AGMAT: variants seen among roughly 807,000 people sequenced by gnomAD.
The protein encoded by AGMAT is guanidino acid hydrolase, mitochondrial.
AGMAT carries 37 observed loss-of-function variants against 29.3 expected under a neutral mutation model. The ratio of observed to expected loss-of-function variants is 1.26; its 90% CI spans 0.97 to 1.66. AGMAT has a LOEUF of 1.66. Among genes scored for constraint, AGMAT ranks in the 40% most tolerant of loss-of-function variants. The pLI, the probability that AGMAT is intolerant of heterozygous loss-of-function variation, is 0.00. For missense variants in AGMAT, 498 were observed against 497.8 expected (o/e 1.00, Z 0.00); for synonymous variants, 199 against 200.8 (o/e 0.99, Z 0.08).
chr1:15,584,889 G>A lies in AGMAT; in HGVS notation c.79C>T (p.His27Tyr), dbSNP rs866387652. Reference sequence around the variant, plus strand: ...TGGCGGCTCTGGCGGCGCCCCGGATGAAAGAGCCCTGCGGCAGGACGCGCG... The same window carrying A: ...TGGCGGCTCTGGCGGCGCCCCGGATAAAAGAGCCCTGCGGCAGGACGCGCG... ...VGARPAAGLF[H>Y]PGRRQSRQAS... The change falls in exon 1 of 7, where the codon CAT becomes TAT. Residue 27 changes from histidine (H) to tyrosine (Y), a missense_variant. By Grantham distance (83) the His-to-Tyr change is moderately conservative. Coordinates refer to ENST00000375826, the MANE Select transcript of AGMAT (RefSeq NM_024758.5). 7.1e-7 allele frequency: 1 copy of A among 1,404,164 alleles called. No individual in the cohort carries two copies. Among genetic ancestry groups the A allele is most frequent in the Non-Finnish European group, 9.2e-7 (1 of 1,086,310 alleles). 87.0% of individuals were successfully genotyped at this position (1,404,164 alleles called of 1,614,324 possible).
At position 15,572,761 on chromosome 1, in the gene AGMAT, C is replaced by G. The variant is rs6700212; in HGVS notation, c.*890G>C. The G allele has an allele frequency of 0.049, 7,359 of 151,676 alleles. 323 individuals are homozygous for G. The highest frequency in any genetic ancestry group is 0.12 in the African/African-American group (4,772 of 41,278). The allele number at this position is 151,676 out of a possible 1,614,324, so 9.4% of individuals were successfully genotyped here. ...CGTGTTACTTTATACTTTTTACTTACGTTCACAGTGGTCCTAAAACCAAGA... is the reference window on the plus strand; with the variant it reads ...CGTGTTACTTTATACTTTTTACTTAGGTTCACAGTGGTCCTAAAACCAAGA... On this transcript the variant is annotated 3_prime_UTR_variant, in exon 7 of 7. Coordinates refer to ENST00000375826, the MANE Select transcript of AGMAT (RefSeq NM_024758.5).
intron 4 of AGMAT, among the ~76,000 whole-genome samples, chr1:15,578,427 T>C (rs1260180411): frequency 1.3e-5 from 2 of 152,038 alleles, no homozygotes; most frequent in African/African-American, 4.8e-5. Flanking sequence ...CCCGAGTAGC[T>C]GGGATTACAG....
intron 1 of AGMAT, among the ~76,000 whole-genome samples, chr1:15,583,800 C>T (rs1402589683): frequency 6.6e-6 from 1 of 152,200 alleles, no homozygotes; most frequent in Non-Finnish European, 1.5e-5. Context: ...CTATGCAAAG[C>T]ACCTTGCACT....
At chr1:15,575,729 T>TTTTATTTATTTA (rs78080274) in intron 5 of AGMAT, 70 of 142,796 alleles carry the variant, frequency 4.9e-4, no homozygotes, top group Middle Eastern at 3.5e-3. Context: ...TCACATGCAC[T>TTTTATTTATTTA]TTTATTTATT....
intron 4 of AGMAT, 84 bp downstream of exon 4, chr1:15,578,775 C>A: frequency 6.9e-7 from 1 of 1,454,096 alleles, no homozygotes; most frequent in East Asian, 2.4e-5. Context: ...GTAAAGCCCC[C>A]GCTCAATCCC....
rs777168278 is a variant in AGMAT, at chr1:15,583,196, A to G, written c.472T>C (p.Leu158=). The G allele has an allele frequency of 6.2e-7, 1 of 1,613,950 alleles. No individual in the cohort carries two copies. The highest frequency in any genetic ancestry group is 1.3e-5 in the African/African-American group (1 of 75,038). ...GGCTCTTGCAGACTGACATTACCCA[A>G]GGTCAGAGGAATACAGCCAGCTGCT... ...IVAAGCIPLT[L]GGDHTITYPI... The change falls in exon 2 of 7, where the codon TTG becomes CTG. Residue 158 remains leucine, a synonymous_variant. Coordinates refer to ENST00000375826, the MANE Select transcript of AGMAT (RefSeq NM_024758.5).
chr1:15,580,988 A>AAAAT (rs1382303361), intron 2 of AGMAT, among the ~76,000 whole-genome samples: 2 of 151,958 alleles, frequency 1.3e-5, no homozygotes, highest in Non-Finnish European at 2.9e-5. Flanking sequence ...AAAATAAAAT[A>AAAAT]AAATAAATAA....
At chr1:15,574,294 G>A (rs1034138598) in intron 6 of AGMAT, among the ~76,000 whole-genome samples, 3 of 151,736 alleles carry the variant, frequency 2.0e-5, no homozygotes, top group Non-Finnish European at 4.4e-5. Flanking sequence ...ATGAGCTCAT[G>A]TTTGTAAGGT....
intron 2 of AGMAT, among the ~76,000 whole-genome samples, chr1:15,581,275 G>C (rs1308817888): frequency 4.6e-5 from 7 of 152,002 alleles, no homozygotes; most frequent in Non-Finnish European, 1.0e-4. Context: ...CTGAGCCCAG[G>C]GAGGGCAAGG....
At position 15,577,732 on chromosome 1, in the gene AGMAT, C is replaced by T; in HGVS notation, c.853G>A (p.Ala285Thr). 6.2e-7 allele frequency: 1 copy of T among 1,614,176 alleles called. No homozygotes were observed. The highest frequency in any genetic ancestry group is 8.5e-7 in the Non-Finnish European group (1 of 1,180,012). The change falls in exon 5 of 7, where the codon GCG becomes ACG. Residue 285 changes from alanine to threonine, a missense_variant. By Grantham distance (58) the Ala-to-Thr change is moderately conservative (BLOSUM62 0). Transcript: ENST00000375826. ...FDIDALDPAYAPGTGTPEIAG... is the reference protein window; with the variant it reads ...FDIDALDPAYTPGTGTPEIAG... Reference sequence around the variant, plus strand: ...ATTTCAGGTGTCCCTGTCCCTGGCGCATAGGCAGGATCCAGAGCGTCAATA... The same window carrying T: ...ATTTCAGGTGTCCCTGTCCCTGGCGTATAGGCAGGATCCAGAGCGTCAATA...
chr1:15,573,835 C>T (rs892713372), intron 6 of AGMAT, 111 bp from the exon 7 acceptor site: 11 of 926,368 alleles, frequency 1.2e-5, no homozygotes, highest in Non-Finnish European at 1.9e-5. Context: ...AGAGCCCTGT[C>T]TTGTGCACCC....
chr1:15,583,127 C>T (rs1639138949), intron 2 of AGMAT, 66 bp downstream of exon 2: 2 of 1,436,462 alleles, frequency 1.4e-6, no homozygotes, highest in Admixed American at 3.8e-5. Flanking sequence ...TACTCAAGCC[C>T]CTGAGTACAG....
At chr1:15,579,081 C>T (rs1461257291) in intron 3 of AGMAT, 27 bp from the exon 4 acceptor site, 3 of 1,605,598 alleles carry the variant, frequency 1.9e-6, no homozygotes, top group Non-Finnish European at 2.6e-6. Flanking sequence ...AGCTCAGAGG[C>T]CAACCCTCCC....
chr1:15,576,844 G>A (rs909006130), intron 5 of AGMAT, among the ~76,000 whole-genome samples: 8 of 142,540 alleles, frequency 5.6e-5, no homozygotes, highest in African/African-American at 2.1e-4. Flanking sequence ...CTGCCTCCCG[G>A]GTTCATGCCA....
chr1:15,581,399 G>A (rs955615801), intron 2 of AGMAT, among the ~76,000 whole-genome samples: 5 of 151,996 alleles, frequency 3.3e-5, no homozygotes, highest in African/African-American at 1.2e-4. Flanking sequence ...GCTACTCTAG[G>A]AATTGCCTTT....
chr1:15,576,782 C>T (rs1367360658), intron 5 of AGMAT, among the ~76,000 whole-genome samples: 1 of 52,690 alleles, frequency 1.9e-5, no homozygotes, highest in African/African-American at 5.5e-5. Context: ...TGGAGTTTCA[C>T]TCTTTCGCCC....
At position 15,574,071 on chromosome 1, in the gene AGMAT, G is replaced by A. The variant is rs78517854; in HGVS notation, c.986-347C>T. Reference sequence around the variant, plus strand: ...TCTACATTAAAATTATTGGGATGGCGTCTGCTTTGAAGATCTTAACCAGCT... The same window carrying A: ...TCTACATTAAAATTATTGGGATGGCATCTGCTTTGAAGATCTTAACCAGCT... On this transcript the variant is annotated intron_variant, in intron 6 of 6. Transcript: ENST00000375826. Among the ~76,000 whole-genome samples the A allele has an allele frequency of 9.6e-3, 1,460 of 152,208 alleles. 22 individuals are homozygous for A. The highest frequency in any genetic ancestry group is 0.032 in the African/African-American group (1,328 of 41,508).
chr1:15,577,505 G>A (rs1459407764), intron 5 of AGMAT, among the ~76,000 whole-genome samples, 180 bp downstream of exon 5: 5 of 152,094 alleles, frequency 3.3e-5, no homozygotes, highest in Non-Finnish European at 7.4e-5. Flanking sequence ...CCTGGGAGGC[G>A]GAGGTTGCAG....
At chr1:15,574,525 T>A (rs998456127) in intron 6 of AGMAT, among the ~76,000 whole-genome samples, 5 of 151,946 alleles carry the variant, frequency 3.3e-5, no homozygotes. Flanking sequence ...ATTACAGGTG[T>A]GTGCCACCAC....
Sources: gnomAD v4.1 joint callset for allele counts (sites outside exome capture counted in the v4.1 genomes callset) on GRCh38, gnomAD v4.1.1 for gene constraint, MANE v1.5 for transcripts, NCBI Gene and HGNC (gene_info 2026-07-23, HGNC 2026-07-21) for gene names.